LSM1: variants seen among roughly 807,000 people sequenced by gnomAD.
LSM1 encodes the protein LSM1 homolog, mRNA degradation associated.
LSM1 carries 13 observed loss-of-function variants against 18.0 expected under a neutral mutation model. The observed-to-expected ratio is 0.72, with a 90% CI of 0.47 to 1.15. The LOEUF (loss-of-function observed/expected upper bound fraction) is 1.15, where lower values mean the gene tolerates loss of function less well. Among genes scored for constraint, LSM1 ranks in the 50% most tolerant of loss-of-function variants. LSM1 has a pLI of 0.00. For missense variants in LSM1, 152 were observed against 157.7 expected (o/e 0.96, Z 0.19); for synonymous variants, 46 against 56.0 (o/e 0.82, Z 0.80).
At position 38,165,787 on chromosome 8, in the gene LSM1, G is replaced by A. The variant is rs889490132; in HGVS notation, c.232-1947C>T. Among the ~76,000 whole-genome samples the A allele has an allele frequency of 5.3e-5, 8 of 151,876 alleles. No individual in the cohort carries two copies. The South Asian group carries it at 6.2e-4, about 12-fold the overall frequency. On this transcript the variant is annotated intron_variant, in intron 3 of 3. Transcript: ENST00000311351. ...TCCCAGCTACTCATGAGGCTGAGGGGGGAGGATCACTTGAGCCCAGGAGTT... is the reference window on the plus strand; with the variant it reads ...TCCCAGCTACTCATGAGGCTGAGGGAGGAGGATCACTTGAGCCCAGGAGTT...
Position 38,176,433 on chromosome 8 carries a change from G to C in LSM1, c.-113C>G. ...TGGGACCAAGCCCGGAATCCCGACC[G>C]AGACCAGCACTTCTGCCCCGGCTTT... On this transcript the variant is annotated 5_prime_UTR_variant, in exon 1 of 4. Transcript: ENST00000311351. The C allele has an allele frequency of 1.2e-6, 1 of 823,732 alleles. No homozygotes were observed. The highest frequency in any genetic ancestry group is 2.0e-6 in the Non-Finnish European group (1 of 508,302). 51.0% of individuals were successfully genotyped at this position (823,732 alleles called of 1,614,324 possible). A position where few individuals can be genotyped will look rare whatever the true frequency, so the allele number is the denominator to read the frequency against.
At chr8:38,176,243 C>G in intron 1 of LSM1, 32 bp downstream of exon 1, 1 of 1,608,384 alleles carries the variant, frequency 6.2e-7, no homozygotes, top group Non-Finnish European at 8.5e-7. Context: ...GGTCTAACCC[C>G]GGGCTCCACC....
rs367945831 is a variant in LSM1 at position 38,164,616 on chromosome 8, G to A, written c.232-776C>T. Among the ~76,000 whole-genome samples, 12 of 151,502 alleles carry A rather than the reference G, an allele frequency of 7.9e-5. No individual in the cohort carries two copies. The East Asian group carries it at 2.1e-3, about 27-fold the overall frequency. On this transcript the variant is annotated intron_variant, in intron 3 of 3. Coordinates refer to ENST00000311351, the MANE Select transcript of LSM1 (RefSeq NM_014462.3). ...GTGGGAGGATCACTTGGGCCTAGGA[G>A]TTCGAGACCAGCCTGGGCAACACAG... is the stretch of plus-strand genomic sequence containing the variant.
chr8:38,171,041 A>G (rs1451789028), intron 2 of LSM1: 1 of 424,660 alleles, frequency 2.4e-6, no homozygotes, highest in Admixed American at 2.7e-5. Flanking sequence ...ATAATCTTTT[A>G]ACTTAAGAAA....
chr8:38,171,825 T>C, intron 2 of LSM1, 140 bp downstream of exon 2: 2 of 664,694 alleles, frequency 3.0e-6, no homozygotes, highest in Non-Finnish European at 2.6e-6. Context: ...TAGAAAACAA[T>C]GATGTACTCA....
intron 1 of LSM1, 62 bp downstream of exon 1, chr8:38,176,213 G>A: frequency 6.8e-7 from 1 of 1,470,472 alleles, no homozygotes; most frequent in Non-Finnish European, 9.5e-7. Context: ...CTTCGGAAGA[G>A]GCGCCCGCCC....
chr8:38,166,389 C>CCACT (rs749809469), intron 3 of LSM1, among the ~76,000 whole-genome samples: 1 of 152,170 alleles, frequency 6.6e-6, no homozygotes, highest in Non-Finnish European at 1.5e-5. Context: ...AAAGTGTGAG[C>CCACT]CACTGTGCCT....
chr8:38,167,965 C>CT (rs760684822), intron 3 of LSM1, among the ~76,000 whole-genome samples: 295 of 143,194 alleles, frequency 2.1e-3, no homozygotes, highest in Middle Eastern at 3.7e-3. Context: ...TGCTTTCAGA[C>CT]TTTTTTTTTT....
chr8:38,175,040 A>G (rs566411997), intron 1 of LSM1, among the ~76,000 whole-genome samples: 2,672 of 147,446 alleles, frequency 0.018, 65 homozygotes, highest in African/African-American at 0.049. Flanking sequence ...AAAAAAAAAA[A>G]AAAAGAAAAG....
Position 38,163,598 on chromosome 8 carries a change from G to T in LSM1, c.*72C>A. ...CTACAGTCTGTGATCAAATGCGTGAGGTGGCCAGGATGTCACTTTCACTCA... is the reference window on the plus strand; with the variant it reads ...CTACAGTCTGTGATCAAATGCGTGATGTGGCCAGGATGTCACTTTCACTCA... On this transcript the variant is annotated 3_prime_UTR_variant, in exon 4 of 4. Coordinates refer to ENST00000311351, the MANE Select transcript of LSM1 (RefSeq NM_014462.3). The T allele has an allele frequency of 7.4e-7, 1 of 1,353,328 alleles. No homozygotes were observed. Among genetic ancestry groups the T allele is most frequent in the Non-Finnish European group, 1.0e-6 (1 of 961,568 alleles). 83.8% of individuals were successfully genotyped at this position (1,353,328 alleles called of 1,614,324 possible).
In LSM1 at chr8:38,172,170, G is replaced by GAA. The variant is rs373005206; in HGVS notation, c.47-139_47-138dup. On this transcript the variant is annotated intron_variant, in intron 1 of 3. Transcript: ENST00000311351. ...TGAAGTTCAAGTTCATTGGAAAACTGAAAAAAGCAGCACAGCAACGCGGAT... is the reference window on the plus strand; with the variant it reads ...TGAAGTTCAAGTTCATTGGAAAACTGAAAAAAAAGCAGCACAGCAACGCGGAT... The GAA allele has an allele frequency of 7.0e-6, 4 of 574,818 alleles. No individual in the cohort carries two copies. The South Asian group carries it at 8.4e-5, about 12-fold the overall frequency. The allele number at this position is 574,818 out of a possible 1,614,324, so 35.6% of individuals were successfully genotyped here. A position where few individuals can be genotyped will look rare whatever the true frequency, so the allele number is the denominator to read the frequency against.
In LSM1 at chr8:38,168,319, G is replaced by A. The variant is rs553339403; in HGVS notation, c.231+1483C>T. ...CAATTTCTGCTGCTTGGCTGGGCGC[G>A]GTGGCTCATGCCTGTAATCCCAGCA... On this transcript the variant is annotated intron_variant, in intron 3 of 3. Transcript: ENST00000311351. Among the ~76,000 whole-genome samples the A allele has an allele frequency of 9.9e-5, 15 of 151,468 alleles. No individual in the cohort carries two copies. The South Asian group carries it at 2.3e-3, about 23-fold the overall frequency.
chr8:38,170,405 G>A (rs573079641), intron 2 of LSM1, among the ~76,000 whole-genome samples: 2 of 152,234 alleles, frequency 1.3e-5, no homozygotes, highest in South Asian at 2.1e-4. Flanking sequence ...TGAGTAAGAC[G>A]TACCAGTTAG....
chr8:38,174,959 G>C (rs1217552674), intron 1 of LSM1, among the ~76,000 whole-genome samples: 1 of 147,880 alleles, frequency 6.8e-6, no homozygotes, highest in East Asian at 2.0e-4. Context: ...GGGAGGTGGA[G>C]GTTCCAGTGA....
intron 3 of LSM1, among the ~76,000 whole-genome samples, chr8:38,167,849 A>G (rs1802962878): frequency 6.6e-6 from 1 of 152,014 alleles, no homozygotes; most frequent in African/African-American, 2.4e-5. Flanking sequence ...AGGAGTTTGA[A>G]TCTAGCCTGG....
At chr8:38,168,602 A>C (rs1028764044) in intron 3 of LSM1, among the ~76,000 whole-genome samples, 2 of 151,112 alleles carry the variant, frequency 1.3e-5, no homozygotes, top group Non-Finnish European at 2.9e-5. Context: ...AAAAAAAAAA[A>C]AAAACCCAAA....
chr8:38,171,212 A>G (rs1803023359), intron 2 of LSM1, among the ~76,000 whole-genome samples: 1 of 152,212 alleles, frequency 6.6e-6, no homozygotes, highest in South Asian at 2.1e-4. Context: ...ACTGCTTTGA[A>G]GTCATTTTAC....
chr8:38,168,370 C>T (rs867493732), intron 3 of LSM1, among the ~76,000 whole-genome samples: 18 of 151,372 alleles, frequency 1.2e-4, no homozygotes, highest in African/African-American at 4.4e-4. Context: ...GCGGGTAGAT[C>T]GCCTGAGGTC....
chr8:38,172,735 C>T (rs1803052544), intron 1 of LSM1, among the ~76,000 whole-genome samples: 1 of 152,040 alleles, frequency 6.6e-6, no homozygotes, highest in African/African-American at 2.4e-5. Context: ...TTATTTTGTC[C>T]TCAAAAGATG....
Sources: gnomAD v4.1 joint callset for allele counts (sites outside exome capture counted in the v4.1 genomes callset) on GRCh38, gnomAD v4.1.1 for gene constraint, MANE v1.5 for transcripts, NCBI Gene and HGNC (gene_info 2026-07-23, HGNC 2026-07-21) for gene names.